RBFOX3: variants seen among roughly 807,000 people sequenced by gnomAD.
RBFOX3 encodes the protein RNA binding fox-1 homolog 3.
RBFOX3 carries 17 observed loss-of-function variants against 48.7 expected under a neutral mutation model. The observed-to-expected ratio is 0.35, with a 90% CI of 0.24 to 0.52. RBFOX3 has a LOEUF of 0.52. Ranked by LOEUF, RBFOX3 falls within the 20% of genes least tolerant of loss-of-function variation. The probability of loss-of-function intolerance (pLI) is 0.94; values close to 1 mark genes in which losing one functional copy is unlikely to be tolerated. For missense variants in RBFOX3, 382 were observed against 497.5 expected, an observed-to-expected ratio of 0.77 and a Z score of 2.21; for synonymous variants, 212 against 209.5, an observed-to-expected ratio of 1.01 and a Z score of -0.10.
At chr17:79,226,740 T>A (rs915423125) in intron 4 of RBFOX3, among the ~76,000 whole-genome samples, 2 of 152,116 alleles carry the variant, frequency 1.3e-5, no homozygotes, top group African/African-American at 4.8e-5. Context: ...ACTATGGGGG[T>A]TTAGCAGTCA....
At chr17:79,476,096 C>G (rs1011526532) in intron 2 of RBFOX3, among the ~76,000 whole-genome samples, 253 of 152,366 alleles carry the variant, frequency 1.7e-3, no homozygotes, top group African/African-American at 5.7e-3. Context: ...ACCCTGAGGA[C>G]CAGGCCCTGC....
intron 1 of RBFOX3, among the ~76,000 whole-genome samples, chr17:79,567,253 G>A (rs1189652733): frequency 0.017 from 2,362 of 139,572 alleles, 59 homozygotes; most frequent in African/African-American, 0.059. Context: ...GTGTGATCTC[G>A]GCTCACTGCA....
chr17:79,137,595 G>A (rs1870623), intron 4 of RBFOX3, among the ~76,000 whole-genome samples: 43,003 of 152,080 alleles, frequency 0.28, 7,123 homozygotes, highest in East Asian at 0.76. Flanking sequence ...GCCCCCCGGG[G>A]CCTGAGCGCC....
chr17:79,127,533 G>T (rs1001291025), intron 4 of RBFOX3, among the ~76,000 whole-genome samples: 6 of 152,090 alleles, frequency 3.9e-5, no homozygotes, highest in African/African-American at 1.4e-4. Context: ...ACAGGTCAAA[G>T]AAGTTTTAGG....
chr17:79,230,154 TG>T (rs1232290723), intron 4 of RBFOX3, among the ~76,000 whole-genome samples: 1 of 152,238 alleles, frequency 6.6e-6, no homozygotes, highest in Non-Finnish European at 1.5e-5. Context: ...CTGGTTGGGT[TG>T]CCGTCGGCCT....
chr17:79,652,487 A>T, the RBFOX3 span, among the ~76,000 whole-genome samples: 1 of 145,538 alleles, frequency 6.9e-6, no homozygotes, highest in Non-Finnish European at 1.5e-5. Flanking sequence ...AGTGTGGGAT[A>T]GGTGCAGAAG....
At chr17:79,627,757 C>A in the RBFOX3 span, among the ~76,000 whole-genome samples, 1 of 152,104 alleles carries the variant, frequency 6.6e-6, no homozygotes, top group Non-Finnish European at 1.5e-5. Context: ...CTTCTCTGGG[C>A]AGCTCGTTTT....
chr17:79,567,106 C>T, intron 1 of RBFOX3, among the ~76,000 whole-genome samples: 1 of 151,830 alleles, frequency 6.6e-6, no homozygotes, highest in East Asian at 1.9e-4. Context: ...ATCCTCTCTG[C>T]TTCCATGAGC....
intron 2 of RBFOX3, among the ~76,000 whole-genome samples, chr17:79,359,878 A>C (rs909501150): frequency 5.3e-5 from 8 of 151,966 alleles, no homozygotes; most frequent in African/African-American, 1.9e-4. Flanking sequence ...GGTGCACGCC[A>C]CCATGCCTGG....
chr17:79,584,021 A>C (rs1277590885), intron 1 of RBFOX3, among the ~76,000 whole-genome samples: 1 of 152,042 alleles, frequency 6.6e-6, no homozygotes, highest in Non-Finnish European at 1.5e-5. Context: ...TGTCCTCTAA[A>C]ATGGAGAATG....
intron 3 of RBFOX3, among the ~76,000 whole-genome samples, chr17:79,286,160 C>A (rs978383747): frequency 4.9e-4 from 75 of 152,196 alleles, no homozygotes; most frequent in Non-Finnish European, 1.0e-3. Flanking sequence ...TCTCCGAGCC[C>A]TTGTGAGGAC....
At position 79,254,389 on chromosome 17, in the gene RBFOX3, C is replaced by A. The variant is rs1011246684; in HGVS notation, c.-73-18584G>T. Among the ~76,000 whole-genome samples the A allele has an allele frequency of 6.6e-6, 1 of 151,832 alleles. No homozygotes were observed. The highest frequency in any genetic ancestry group is 1.5e-5 in the Non-Finnish European group (1 of 67,988). On this transcript the variant is annotated intron_variant, in intron 3 of 14. Transcript: ENST00000693108. This position sits in a 1 kb window ranked among gnomAD's most constrained non-coding sequence, Gnocchi z 4.8. The stretch of plus-strand genomic sequence containing the variant: ...GACCCTCAGCCCTAGCTCCACATAC[C>A]CCCAAACCTGCCCCCCAATCCAGGA...
chr17:79,176,010 A>T (rs555365171), intron 4 of RBFOX3, among the ~76,000 whole-genome samples: 78 of 152,280 alleles, frequency 5.1e-4, no homozygotes, highest in African/African-American at 1.6e-3. Context: ...TCTGTGACTG[A>T]GTTGTGTCTG....
intron 3 of RBFOX3, among the ~76,000 whole-genome samples, chr17:79,287,665 ACCTGTGC>A (rs1470263157): frequency 1.3e-5 from 2 of 152,140 alleles, no homozygotes; most frequent in African/African-American, 4.8e-5. Context: ...TCCTGAGGTG[ACCTGTGC>A]CCTGTGCCGG....
At chr17:79,617,448 G>A in the RBFOX3 span, among the ~76,000 whole-genome samples, 24 of 152,002 alleles carry the variant, frequency 1.6e-4, no homozygotes, top group Admixed American at 5.2e-4. Context: ...TGGCTCTCTC[G>A]GGTCACCAGG....
At chr17:79,094,667 CTCCTGCAAG>C (rs1239354455) in intron 13 of RBFOX3, 138 bp from the exon 14 acceptor site, 11 of 529,338 alleles carry the variant, frequency 2.1e-5, no homozygotes, top group African/African-American at 2.0e-5. Context: ...GCACCCTCCC[CTCCTGCAAG>C]GCCTGCAAGG....
chr17:79,223,180 G>C (rs2059926346), intron 4 of RBFOX3, among the ~76,000 whole-genome samples: 1 of 152,168 alleles, frequency 6.6e-6, no homozygotes, highest in Non-Finnish European at 1.5e-5. Context: ...CACACCTTGA[G>C]TGCACATGTG....
chr17:79,426,044 C>T (rs1357562930), intron 2 of RBFOX3, among the ~76,000 whole-genome samples: 6 of 151,756 alleles, frequency 4.0e-5, no homozygotes, highest in African/African-American at 1.5e-4. Flanking sequence ...GGACTCATGG[C>T]CTGGAGCTGG....
At chr17:79,244,537 C>A (rs1273805088) in intron 3 of RBFOX3, among the ~76,000 whole-genome samples, 1 of 112,030 alleles carries the variant, frequency 8.9e-6, no homozygotes, top group Non-Finnish European at 1.7e-5. Flanking sequence ...GCACAGTGGG[C>A]CTGGTTTTCA....
Sources: allele counts gnomAD v4.1 joint callset (sites outside exome capture counted in the v4.1 genomes callset), GRCh38; gene constraint gnomAD v4.1.1; non-coding constraint Gnocchi (gnomAD v3.1); transcripts MANE v1.5; gene names NCBI Gene and HGNC (gene_info 2026-07-23, HGNC 2026-07-21).